The following UNKL variants were observed in gnomAD, a reference collection of about 807,000 sequenced individuals.
UNKL encodes putative E3 ubiquitin-protein ligase UNKL.
UNKL carries 60 observed loss-of-function variants against 78.0 expected under a neutral mutation model. That is an observed-to-expected ratio of 0.77 (90% confidence interval 0.63 to 0.95). UNKL has a LOEUF of 0.95. Among genes scored for constraint, UNKL ranks in the 40% least tolerant of loss-of-function variants. The pLI is 0.00. For synonymous variants in UNKL, 608 were observed against 474.8 expected, an observed-to-expected ratio of 1.28 and a Z score of -3.65; for missense variants, 1,159 against 1,045.7, an observed-to-expected ratio of 1.11 and a Z score of -1.49.
At position 1,367,181 on chromosome 16, in the gene UNKL, G is replaced by A. The variant is rs569421262; in HGVS notation, c.1957C>T (p.Arg653Trp). The A allele has an allele frequency of 9.3e-6, 15 of 1,605,316 alleles. No homozygotes were observed. Among genetic ancestry groups the A allele is most frequent in the African/African-American group, 4.0e-5 (3 of 74,880 alleles). Residue 653 changes from arginine to tryptophan, a missense_variant, in exon 14 of 15, where the codon CGG (arginine) becomes TGG (tryptophan). By Grantham distance (101) the Arg-to-Trp change is moderately radical. Coordinates refer to ENST00000389221, the MANE Select transcript of UNKL (RefSeq NM_001372107.1). ...LGVASTLPGL[R>W]GCGDIGTIPL... is the part of the protein sequence containing the mutation. The stretch of plus-strand genomic sequence containing the variant: ...ATGGTGCCGATGTCCCCACAGCCCC[G>A]CAGCCCCGGCAGTGTGGAGGCTACG...
intron 6 of UNKL, among the ~76,000 whole-genome samples, chr16:1,396,736 G>A (rs1468174815): frequency 1.3e-5 from 2 of 152,078 alleles, no homozygotes; most frequent in African/African-American, 4.8e-5. Flanking sequence ...TGGGACTACA[G>A]ACGCCCGCCA....
Position 1,367,766 on chromosome 16 carries a change from A to G in UNKL, c.1678T>C (p.Ser560Pro). 1 of 1,573,642 alleles carries G rather than the reference A, an allele frequency of 6.4e-7. No individual in the cohort carries two copies. Among genetic ancestry groups the G allele is most frequent in the Non-Finnish European group, 8.6e-7 (1 of 1,160,168 alleles). The stretch of plus-strand genomic sequence containing the variant: ...GCTCCGTTTGGACTTGCACTCGAAG[A>G]GGATGGGGGGCCGGCACTCAGGATG... Reference protein sequence around the residue: ...SPILSAGPPSSSSASPNGAEL... With the variant: ...SPILSAGPPSPSSASPNGAEL... The change falls in exon 13 of 15, where the codon TCT (serine) becomes CCT (proline). Residue 560 changes from serine (S) to proline (P), a missense_variant. By Grantham distance (74) the Ser-to-Pro change is moderately conservative. Coordinates refer to ENST00000389221, the MANE Select transcript of UNKL (RefSeq NM_001372107.1).
intron 1 of UNKL, 33 bp from the exon 2 acceptor site, chr16:1,414,088 C>CGGCAGCACCTCCA: frequency 1.3e-6 from 2 of 1,520,152 alleles, no homozygotes; most frequent in Non-Finnish European, 1.8e-6. Context: ...GGCTCGCTTC[C>CGGCAGCACCTCCA]GGCAGCACCT....
intron 7 of UNKL, 34 bp downstream of exon 7, chr16:1,394,097 C>G (rs111329011): frequency 6.5e-7 from 1 of 1,546,228 alleles, no homozygotes; most frequent in South Asian, 1.2e-5. Context: ...GCGGAACCTG[C>G]TAAGGTGAAC....
chr16:1,390,502 CGA>C, intron 9 of UNKL, 128 bp downstream of exon 9: 1 of 943,386 alleles, frequency 1.1e-6, no homozygotes, highest in Non-Finnish European at 1.5e-6. Context: ...CTTTGCGAGC[CGA>C]GAGTGGGCGG....
At chr16:1,404,155 A>C (rs1450729805) in intron 2 of UNKL, among the ~76,000 whole-genome samples, 1 of 152,194 alleles carries the variant, frequency 6.6e-6, no homozygotes, top group African/African-American at 2.4e-5. Context: ...CTGAGTCATC[A>C]ATGGTGTCGA....
intron 2 of UNKL, chr16:1,408,768 C>T (rs1357256241): frequency 6.6e-6 from 1 of 152,442 alleles, no homozygotes; most frequent in Non-Finnish European, 1.5e-5. Context: ...GGGGGCCCTC[C>T]TGGGGTCCCA....
chr16:1,381,437 T>C (rs573916131), intron 10 of UNKL, among the ~76,000 whole-genome samples: 1 of 152,162 alleles, frequency 6.6e-6, no homozygotes, highest in African/African-American at 2.4e-5. Flanking sequence ...CTGGCCAACA[T>C]GGCAAAACCC....
chr16:1,410,157 T>G (rs1298586117), intron 2 of UNKL, among the ~76,000 whole-genome samples: 1 of 151,998 alleles, frequency 6.6e-6, no homozygotes, highest in African/African-American at 2.4e-5. Context: ...TCCCAGCACT[T>G]TGGGAGGCTA....
At chr16:1,396,116 A>G (rs1345120996) in intron 6 of UNKL, among the ~76,000 whole-genome samples, 1 of 151,072 alleles carries the variant, frequency 6.6e-6, no homozygotes, top group Non-Finnish European at 1.5e-5. Context: ...TAATTTTTGT[A>G]TTTTTAGTAG....
chr16:1,383,970 AG>A, intron 10 of UNKL: 1 of 252,194 alleles, frequency 4.0e-6, no homozygotes, highest in South Asian at 3.6e-5. Flanking sequence ...TGAGCTGAGC[AG>A]GGCCCGGCCT....
chr16:1,391,984 G>T (rs191996550), intron 8 of UNKL, among the ~76,000 whole-genome samples: 1 of 152,238 alleles, frequency 6.6e-6, no homozygotes, highest in African/African-American at 2.4e-5. Flanking sequence ...CACCGCGCCC[G>T]GCCCTGAGTT....
In UNKL at chr16:1,366,063, A is replaced by G; in HGVS notation, c.*177T>C. Reference sequence around the variant, plus strand: ...TAGATAGGTGACAACGTGTGACAGGAAAGGCTGTCAGGCCAAGCGCAGGCG... The same window carrying G: ...TAGATAGGTGACAACGTGTGACAGGGAAGGCTGTCAGGCCAAGCGCAGGCG... On this transcript the variant is annotated 3_prime_UTR_variant, in exon 15 of 15. Transcript: ENST00000389221. 1.5e-6 allele frequency: 1 copy of G among 661,722 alleles called. No individual in the cohort carries two copies. The highest frequency in any genetic ancestry group is 3.4e-5 in the Admixed American group (1 of 29,036). 41.0% of individuals were successfully genotyped at this position (661,722 alleles called of 1,614,324 possible).
Position 1,367,290 on chromosome 16 carries a change from A to G in UNKL, c.1848T>C (p.Asp616=), listed in dbSNP as rs756383727. The G allele has an allele frequency of 8.3e-6, 13 of 1,563,400 alleles. No homozygotes were observed. Among genetic ancestry groups the G allele is most frequent in the South Asian group, 1.2e-5 (1 of 85,244 alleles). ...TCTGCAGCGCCAGCTGCCGGTCGCT[A>G]TCGGCCACACGGGCACGCTCCTTGG... ...QEAKERARVA[D]SDRQLALQKK... Residue 616 remains aspartate (D), a synonymous_variant, in exon 14 of 15, where the codon GAT becomes GAC. Transcript: ENST00000389221.
In UNKL at chr16:1,363,519, C is replaced by T. The variant is rs2034997734; in HGVS notation, c.*2721G>A. On this transcript the variant is annotated 3_prime_UTR_variant, in exon 15 of 15. Transcript: ENST00000389221. ...CCACTGTATCACGGCGAATGTCGAA[C>T]ACTAGAGTTACAGACGACAGGCAAC... 7.5e-6 allele frequency: 2 copies of T among 267,278 alleles called. No individual in the cohort carries two copies. The highest frequency in any genetic ancestry group is 2.1e-4 in the East Asian group (2 of 9,418). 16.6% of individuals were successfully genotyped at this position (267,278 alleles called of 1,614,324 possible). A position where few individuals can be genotyped will look rare whatever the true frequency, so the allele number is the denominator to read the frequency against.
At position 1,392,973 on chromosome 16, in the gene UNKL, C is replaced by T; in HGVS notation, c.941G>A (p.Ser314Asn). 6.4e-7 allele frequency: 1 copy of T among 1,550,522 alleles called. No homozygotes were observed. Among genetic ancestry groups the T allele is most frequent in the East Asian group, 2.4e-5 (1 of 40,922 alleles). The change falls in exon 8 of 15, where the codon AGC becomes AAC. Residue 314 changes from serine (S) to asparagine (N), a missense_variant. Coordinates refer to ENST00000389221, the MANE Select transcript of UNKL (RefSeq NM_001372107.1). ...PFCAFAHVEK[S>N]LGMVNEWGCH... ...GCCCCATTCATTCACCATCCCCAGG[C>T]TCTCTGCAAGGACAGGGGAGCAGCA...
intron 10 of UNKL, among the ~76,000 whole-genome samples, chr16:1,384,608 A>AT (rs372188882): frequency 0.014 from 2,043 of 148,704 alleles, 50 homozygotes; most frequent in African/African-American, 0.047. Context: ...CCTACTTTCA[A>AT]TTTTTTTTTT....
intron 2 of UNKL, chr16:1,412,044 T>G (rs2038063903): frequency 2.0e-5 from 3 of 152,128 alleles, no homozygotes; most frequent in Non-Finnish European, 2.9e-5. Flanking sequence ...GATCAGGGGA[T>G]GAAGACTTCA....
At chr16:1,394,316 G>T in intron 6 of UNKL, 101 bp from the exon 7 acceptor site, 2 of 1,370,528 alleles carry the variant, frequency 1.5e-6, no homozygotes, top group South Asian at 1.3e-5. Context: ...GCTCCAAATC[G>T]TAACAAGACA....
Sources: allele counts gnomAD v4.1 joint callset (sites outside exome capture counted in the v4.1 genomes callset), GRCh38; gene constraint gnomAD v4.1.1; transcripts MANE v1.5; gene names NCBI Gene and HGNC (gene_info 2026-07-23, HGNC 2026-07-21).